Variants in PCDHGA2 observed in about 807,000 individuals in gnomAD.
PCDHGA2 encodes protocadherin gamma subfamily A, 2.
PCDHGA2 carries 40 observed loss-of-function variants against 59.2 expected under a neutral mutation model. That is an observed-to-expected ratio of 0.68 (90% CI 0.52 to 0.88). PCDHGA2 has a LOEUF of 0.88. Among genes scored for constraint, PCDHGA2 ranks in the 40% least tolerant of loss-of-function variants. PCDHGA2 has a pLI of 0.00. For synonymous variants in PCDHGA2, 560 were observed against 526.0 expected, an observed-to-expected ratio of 1.06 and a Z score of -0.89; for missense variants, 1,226 against 1,204.0, an observed-to-expected ratio of 1.02 and a Z score of -0.27.
rs554003983 is a variant in PCDHGA2, at chr5:141,415,548, A to T, written c.2424+74153A>T. 10 of 1,614,160 alleles carry T rather than the reference A, an allele frequency of 6.2e-6. No individual in the cohort carries two copies. The East Asian group carries it at 1.8e-4, about 29-fold the overall frequency. ...TCATCAGCCAGGAGAGCTGTGAGAA[A>T]AACGATCCTTTGTCTTTGTTAGATG... On this transcript the variant is annotated intron_variant, in intron 1 of 3. Coordinates refer to ENST00000394576, the MANE Select transcript of PCDHGA2 (RefSeq NM_018915.4).
At chr5:141,499,553 A>T (rs1215178587) in intron 2 of PCDHGA2, among the ~76,000 whole-genome samples, 3 of 152,206 alleles carry the variant, frequency 2.0e-5, no homozygotes, top group African/African-American at 4.8e-5. Context: ...CCTGTATGAT[A>T]CCACTATCCA....
At chr5:141,484,454 G>T (rs932663778) in intron 1 of PCDHGA2, among the ~76,000 whole-genome samples, 2 of 152,212 alleles carry the variant, frequency 1.3e-5, no homozygotes, top group Non-Finnish European at 2.9e-5. Context: ...AATTGGCTAC[G>T]TTAATGTGTA....
At chr5:141,375,200 G>A (rs755732164) in intron 1 of PCDHGA2, 3 of 1,613,940 alleles carry the variant, frequency 1.9e-6, no homozygotes, top group South Asian at 1.1e-5. Context: ...TCAAGTGTTC[G>A]ATCGAGACTC....
intron 2 of PCDHGA2, among the ~76,000 whole-genome samples, chr5:141,501,109 C>T (rs909874167): frequency 2.0e-5 from 3 of 152,106 alleles, no homozygotes; most frequent in South Asian, 2.1e-4. Context: ...CCTCGTGATC[C>T]GCCTGCCTCA....
Position 141,476,267 on chromosome 5 carries a change from G to A in PCDHGA2, c.2425-18540G>A, listed in dbSNP as rs373758158. The A allele has an allele frequency of 6.8e-6, 11 of 1,613,938 alleles. No homozygotes were observed. Among genetic ancestry groups the A allele is most frequent in the African/African-American group, 1.3e-5 (1 of 74,884 alleles). On this transcript the variant is annotated intron_variant, in intron 1 of 3. Transcript: ENST00000394576. The surrounding 1 kb of genome is among the most constrained non-coding windows in gnomAD (Gnocchi z 7.6). ...GAAGGGTTTCGCTGTGGGCAACGTG[G>A]TCGCGAACCTTGGTTTGGATCTCGG...
At chr5:141,430,841 T>C (rs757539834) in intron 1 of PCDHGA2, 1 of 1,566,462 alleles carries the variant, frequency 6.4e-7, no homozygotes, top group South Asian at 1.2e-5. Flanking sequence ...GGAGACCGGA[T>C]GCACCCAGAT....
chr5:141,392,273 G>A (rs1037062086), intron 1 of PCDHGA2: 3 of 152,178 alleles, frequency 2.0e-5, no homozygotes, highest in Admixed American at 2.0e-4. Flanking sequence ...TTACAATAAA[G>A]CTTAGAGCAC....
At chr5:141,428,313 C>T in intron 1 of PCDHGA2, 1 of 671,482 alleles carries the variant, frequency 1.5e-6, no homozygotes, top group Non-Finnish European at 2.6e-6. Context: ...TGGTCGTGGC[C>T]TTGGCCTTGA....
At position 141,413,304 on chromosome 5, in the gene PCDHGA2, A is replaced by T; in HGVS notation, c.2424+71909A>T. The T allele has an allele frequency of 1.9e-6, 3 of 1,613,982 alleles. No individual in the cohort carries two copies. The Admixed American group carries it at 5.0e-5, about 27-fold the overall frequency. On this transcript the variant is annotated intron_variant, in intron 1 of 3. Transcript: ENST00000394576. Reference sequence around the variant, plus strand: ...TCTCCTACTCAATTCCTGAGGAATTAGAGAAAGGCTCTTTCGTGGGCAACA... The same window carrying T: ...TCTCCTACTCAATTCCTGAGGAATTTGAGAAAGGCTCTTTCGTGGGCAACA...
At chr5:141,410,419 T>TC (rs769125626) in intron 1 of PCDHGA2, 49 of 1,613,886 alleles carry the variant, frequency 3.0e-5, no homozygotes, top group Non-Finnish European at 3.6e-5. Context: ...GACCTGTAGT[T>TC]CCCCCCAACT....
In PCDHGA2 at chr5:141,490,455, G is replaced by A. The variant is rs746957706; in HGVS notation, c.2425-4352G>A. The A allele has an allele frequency of 9.3e-6, 15 of 1,614,010 alleles. No individual in the cohort carries two copies. The highest frequency in any genetic ancestry group is 2.2e-5 in the South Asian group (2 of 91,084). ...TTAAGCCTTCTGAGAACCACTACTC[G>A]CTGCTAACCAGCCAGCCTTTGGACC... On this transcript the variant is annotated intron_variant, in intron 1 of 3. Coordinates refer to ENST00000394576, the MANE Select transcript of PCDHGA2 (RefSeq NM_018915.4). The surrounding 1 kb of genome is among the most constrained non-coding windows in gnomAD (Gnocchi z 5.4).
At chr5:141,377,297 C>T (rs566234622) in intron 1 of PCDHGA2, 1 of 151,972 alleles carries the variant, frequency 6.6e-6, no homozygotes, top group Non-Finnish European at 1.5e-5. Context: ...TAATTTAGGT[C>T]AGTGTTAAAG....
At chr5:141,423,470 A>G in intron 1 of PCDHGA2, 1 of 1,614,002 alleles carries the variant, frequency 6.2e-7, no homozygotes, top group Non-Finnish European at 8.5e-7. Context: ...GACGGGGTAC[A>G]GGCTTTCCTG....
At chr5:141,428,635 G>A (rs1411119011) in intron 1 of PCDHGA2, 1 of 180,288 alleles carries the variant, frequency 5.5e-6, no homozygotes, top group Non-Finnish European at 1.2e-5. Context: ...TAACTCTGTT[G>A]CTCCTACTCA....
chr5:141,344,820 A>G (rs1286516342), intron 1 of PCDHGA2: 3 of 1,613,844 alleles, frequency 1.9e-6, no homozygotes, highest in Non-Finnish European at 2.5e-6. Context: ...CCGGCTGCTC[A>G]CGGTGAATGC....
chr5:141,394,808 T>G lies in PCDHGA2; in HGVS notation c.2424+53413T>G, dbSNP rs534137630. The G allele has an allele frequency of 9.9e-6, 16 of 1,613,872 alleles. No individual in the cohort carries two copies. The East Asian group carries it at 3.6e-4, about 36-fold the overall frequency. On this transcript the variant is annotated intron_variant, in intron 1 of 3. Coordinates refer to ENST00000394576, the MANE Select transcript of PCDHGA2 (RefSeq NM_018915.4). ...CTGTCACGCTCACCGTAGCCGTGGC[T>G]GACAGCATCCCCGAAGTCCTGACCG...
intron 1 of PCDHGA2, among the ~76,000 whole-genome samples, chr5:141,381,166 C>A (rs1402987548): frequency 6.6e-6 from 1 of 152,204 alleles, no homozygotes; most frequent in Non-Finnish European, 1.5e-5. Context: ...ACTTAGGAGC[C>A]TCCCACAAAA....
Position 141,340,647 on chromosome 5 carries a change from C to T in PCDHGA2, c.1676C>T (p.Ala559Val), listed in dbSNP as rs746420859. The T allele has an allele frequency of 3.7e-6, 6 of 1,614,126 alleles. No homozygotes were observed. The highest frequency in any genetic ancestry group is 1.1e-5 in the South Asian group (1 of 91,092). The change falls in exon 1 of 4, where the codon GCG (alanine) becomes GTG (valine). Residue 559 changes from alanine to valine, a missense_variant. Coordinates refer to ENST00000394576, the MANE Select transcript of PCDHGA2 (RefSeq NM_018915.4). The stretch of plus-strand genomic sequence containing the variant: ...TTCGTGCTGGACCAGAACGACAACG[C>T]GCCCGAGATCCTGTACCCTGCCTTC... Reference protein sequence around the residue: ...SLFVLDQNDNAPEILYPAFPT... With the variant: ...SLFVLDQNDNVPEILYPAFPT...
intron 1 of PCDHGA2, chr5:141,360,202 T>C (rs779702690): frequency 1.2e-6 from 2 of 1,612,846 alleles, no homozygotes; most frequent in Non-Finnish European, 1.7e-6. Context: ...CTTCCTGTTG[T>C]CTTTGTTCCC....
Sources: gnomAD v4.1 joint callset for allele counts (sites outside exome capture counted in the v4.1 genomes callset) on GRCh38, gnomAD v4.1.1 for gene constraint, Gnocchi (gnomAD v3.1) non-coding constraint, MANE v1.5 for transcripts, NCBI Gene and HGNC (gene_info 2026-07-23, HGNC 2026-07-21) for gene names.